The following PPA2 variants were observed in gnomAD, a reference collection of about 807,000 sequenced individuals.
PPA2 encodes the protein inorganic pyrophosphatase 2.
In PPA2, 48 loss-of-function variants were observed where a neutral mutation model predicts 49.5. That is an observed-to-expected ratio of 0.97 (90% confidence interval 0.77 to 1.23). The LOEUF is 1.23. Ranked by LOEUF, PPA2 falls within the 50% of genes most tolerant of loss-of-function variation. The pLI is 0.00. For synonymous variants in PPA2, 131 were observed against 139.9 expected (o/e 0.94, Z 0.45); for missense variants, 429 against 410.1 (o/e 1.05, Z -0.40).
At chr4:105,399,311 C>A in intron 7 of PPA2, 147 bp from the exon 8 acceptor site, 1 of 676,944 alleles carries the variant, frequency 1.5e-6, no homozygotes, top group Non-Finnish European at 2.4e-6. Flanking sequence ...GCAGCATCAT[C>A]ATTGATATGT....
intron 1 of PPA2, among the ~76,000 whole-genome samples, chr4:105,460,260 A>T (rs1212925156): frequency 6.6e-6 from 1 of 152,226 alleles, no homozygotes; most frequent in Non-Finnish European, 1.5e-5. Flanking sequence ...AAGGCATCAG[A>T]TATTGTAAGT....
At chr4:105,449,148 C>T (rs1023600647) in intron 4 of PPA2, among the ~76,000 whole-genome samples, 1 of 108,146 alleles carries the variant, frequency 9.2e-6, no homozygotes, top group Non-Finnish European at 1.7e-5. Flanking sequence ...ACCCGGGAGG[C>T]GGAGCTTGCA....
intron 10 of PPA2, among the ~76,000 whole-genome samples, chr4:105,385,461 A>C (rs750847962): frequency 2.5e-4 from 38 of 152,200 alleles, no homozygotes; most frequent in East Asian, 1.2e-3. Flanking sequence ...CAAAAAAAAC[A>C]ATAAATTAAA....
Position 105,397,945 on chromosome 4 carries a change from T to C in PPA2, c.783+1092A>G, listed in dbSNP as rs1734212147. On this transcript the variant is annotated intron_variant, in intron 8 of 11. Transcript: ENST00000341695. The stretch of plus-strand genomic sequence containing the variant: ...TTACCCAGCCTCAGCAGTTCTTTCA[T>C]AGCAATACTAAGGGCACTAAGGCTC... 2.0e-5 allele frequency among the ~76,000 whole-genome samples: 3 copies of C among 152,144 alleles called. No homozygotes were observed. In the South Asian group the frequency reaches 6.2e-4, roughly 31 times the overall value.
chr4:105,374,738 A>G (rs1321617906), intron 10 of PPA2, among the ~76,000 whole-genome samples: 2 of 152,164 alleles, frequency 1.3e-5, no homozygotes, highest in Admixed American at 1.3e-4. Context: ...ACATTCTGTC[A>G]TTTTACTAAA....
intron 7 of PPA2, among the ~76,000 whole-genome samples, chr4:105,417,673 C>A (rs1298979335): frequency 2.6e-5 from 4 of 152,060 alleles, no homozygotes; most frequent in African/African-American, 9.7e-5. Flanking sequence ...TCCTCAACTG[C>A]CTCCTCCTAC....
At chr4:105,443,546 A>T (rs887559750) in intron 5 of PPA2, among the ~76,000 whole-genome samples, 2 of 149,538 alleles carry the variant, frequency 1.3e-5, no homozygotes, top group East Asian at 3.9e-4. Context: ...CAATTTAGTT[A>T]TTTTCTTTGA....
At chr4:105,411,480 A>G (rs1447184319) in intron 7 of PPA2, among the ~76,000 whole-genome samples, 3 of 152,186 alleles carry the variant, frequency 2.0e-5, no homozygotes, top group Admixed American at 2.0e-4. Context: ...CACAGCCAAT[A>G]TCATACTGAA....
At chr4:105,402,983 C>CT (rs1722285553) in intron 7 of PPA2, among the ~76,000 whole-genome samples, 1 of 151,768 alleles carries the variant, frequency 6.6e-6, no homozygotes, top group Non-Finnish European at 1.5e-5. Context: ...AAAATTCTTT[C>CT]TTTTTCTTTC....
chr4:105,473,242 C>T (rs1723601408), intron 1 of PPA2: 1 of 173,404 alleles, frequency 5.8e-6, no homozygotes, highest in Admixed American at 6.2e-5. Context: ...GTCGCTTAGC[C>T]TTCTGGGCTT....
intron 6 of PPA2, among the ~76,000 whole-genome samples, chr4:105,431,239 A>G (rs1723785161): frequency 6.6e-6 from 1 of 152,240 alleles, no homozygotes; most frequent in Non-Finnish European, 1.5e-5. Context: ...AGTTTATTAT[A>G]TGTCAATTAT....
intron 7 of PPA2, chr4:105,423,444 T>G (rs1364352649): frequency 6.6e-6 from 1 of 152,152 alleles, no homozygotes; most frequent in Non-Finnish European, 1.5e-5. Context: ...TAATAATAGT[T>G]GTCATATATT....
intron 7 of PPA2, chr4:105,405,779 T>G: frequency 1.8e-6 from 1 of 561,386 alleles, no homozygotes; most frequent in Non-Finnish European, 3.0e-6. Context: ...ATAAGTAACT[T>G]TGTAGACCCA....
intron 10 of PPA2, among the ~76,000 whole-genome samples, chr4:105,373,365 T>G (rs2713831): frequency 0.66 from 100,608 of 151,892 alleles, 33,470 homozygotes; most frequent in African/African-American, 0.72. Context: ...ATAAAACGGG[T>G]TAACCTGCTT....
intron 7 of PPA2, among the ~76,000 whole-genome samples, chr4:105,412,848 G>A (rs538554914): frequency 2.6e-5 from 4 of 152,348 alleles, no homozygotes; most frequent in African/African-American, 9.6e-5. Flanking sequence ...TGCTGGAGAG[G>A]ATGTGGAGAA....
chr4:105,389,263 A>G (rs2110379874), intron 9 of PPA2, among the ~76,000 whole-genome samples: 1 of 152,232 alleles, frequency 6.6e-6, no homozygotes, highest in African/African-American at 2.4e-5. Context: ...AAATCACACT[A>G]TGTGTCAGGG....
chr4:105,447,902 T>A, intron 4 of PPA2: 1 of 189,114 alleles, frequency 5.3e-6, no homozygotes, highest in Non-Finnish European at 1.1e-5. Context: ...CAAAAATTTG[T>A]GCCCAGCTAA....
intron 10 of PPA2, among the ~76,000 whole-genome samples, chr4:105,371,799 T>C (rs1241911117): frequency 3.3e-5 from 5 of 152,170 alleles, no homozygotes; most frequent in Non-Finnish European, 5.9e-5. Context: ...ACTATCTTGA[T>C]ACAAATACCT....
At position 105,419,022 on chromosome 4, in the gene PPA2, G is replaced by C. The variant is rs143241855; in HGVS notation, c.655+5174C>G. On this transcript the variant is annotated intron_variant, in intron 7 of 11. Transcript: ENST00000341695. Reference sequence around the variant, plus strand: ...TTCACACTGGCCAAGGTATTTTCTAGTAACAATTTAGGTGTCCTGGGAGTC... The same window carrying C: ...TTCACACTGGCCAAGGTATTTTCTACTAACAATTTAGGTGTCCTGGGAGTC... Among the ~76,000 whole-genome samples the C allele has an allele frequency of 1.8e-4, 28 of 152,296 alleles. No individual in the cohort carries two copies. The East Asian group carries it at 5.4e-3, about 29-fold the overall frequency.
Sources: gnomAD v4.1 joint callset for allele counts (sites outside exome capture counted in the v4.1 genomes callset) on GRCh38, gnomAD v4.1.1 for gene constraint, MANE v1.5 for transcripts, NCBI Gene and HGNC (gene_info 2026-07-23, HGNC 2026-07-21) for gene names.